Variants in STIM1 observed in about 807,000 individuals in gnomAD.
STIM1 encodes stromal interaction molecule 1.
A neutral mutation model predicts 74.7 loss-of-function variants in STIM1; 25 were observed. The ratio of observed to expected loss-of-function variants is 0.33; its 90% CI spans 0.24 to 0.47. The LOEUF is 0.47. Among genes scored for constraint, STIM1 ranks in the 20% least tolerant of loss-of-function variants. The probability of loss-of-function intolerance (pLI) is 1.00; values close to 1 mark genes in which losing one functional copy is unlikely to be tolerated. For missense variants in STIM1, 728 were observed against 920.8 expected (o/e 0.79, Z 2.71); for synonymous variants, 328 against 348.8 (o/e 0.94, Z 0.66).
At chr11:3,911,839 T>G (rs1185131735) in intron 1 of STIM1, among the ~76,000 whole-genome samples, 1 of 152,230 alleles carries the variant, frequency 6.6e-6, no homozygotes, top group African/African-American at 2.4e-5. Context: ...CTTGCTGCAT[T>G]GTGGTTGCTT....
chr11:3,941,912 T>A (rs1275815332), intron 1 of STIM1, among the ~76,000 whole-genome samples: 1 of 152,078 alleles, frequency 6.6e-6, no homozygotes, highest in Admixed American at 6.6e-5. Flanking sequence ...CTTGAACTCC[T>A]GGAGTCAAGC....
chr11:3,928,993 C>T (rs1277817769), intron 1 of STIM1, among the ~76,000 whole-genome samples: 1 of 152,162 alleles, frequency 6.6e-6, no homozygotes, highest in African/African-American at 2.4e-5. Context: ...GCCTCAGCCT[C>T]CCAAAAAGTA....
At chr11:4,060,594 G>A (rs2094323824) in intron 5 of STIM1, among the ~76,000 whole-genome samples, 1 of 152,144 alleles carries the variant, frequency 6.6e-6, no homozygotes, top group African/African-American at 2.4e-5. Flanking sequence ...GGTAGGTTTT[G>A]AATAACGACA....
rs377360253 is a variant in STIM1 at position 3,899,795 on chromosome 11, C to T, written c.139+43386C>T. Reference sequence around the variant, plus strand: ...ATAATCATGTGGTTTTTGTCTTTGGCTCTGTTTATATGCTGGATTACATTT... The same window carrying T: ...ATAATCATGTGGTTTTTGTCTTTGGTTCTGTTTATATGCTGGATTACATTT... On this transcript the variant is annotated intron_variant, in intron 1 of 12. Coordinates refer to ENST00000526596, the MANE Select transcript of STIM1 (RefSeq NM_001382567.1). 6.8e-3 allele frequency among the ~76,000 whole-genome samples: 1,021 copies of T among 150,404 alleles called. 4 individuals are homozygous for T. The highest frequency in any genetic ancestry group is 0.011 in the African/African-American group (448 of 40,542).
intron 1 of STIM1, among the ~76,000 whole-genome samples, chr11:3,860,503 T>C (rs2090554395): frequency 6.6e-6 from 1 of 152,212 alleles, no homozygotes; most frequent in Non-Finnish European, 1.5e-5. Flanking sequence ...AGGTATTATA[T>C]ATACATGCAG....
At chr11:4,068,322 A>G (rs1274433625) in intron 5 of STIM1, among the ~76,000 whole-genome samples, 2 of 152,246 alleles carry the variant, frequency 1.3e-5, no homozygotes, top group African/African-American at 2.4e-5. Flanking sequence ...TATTTGAGGT[A>G]CTGGAAGTGC....
At chr11:3,942,773 G>A (rs2093026689) in intron 1 of STIM1, among the ~76,000 whole-genome samples, 1 of 152,276 alleles carries the variant, frequency 6.6e-6, no homozygotes, top group East Asian at 1.9e-4. Context: ...CTGGCTTTAA[G>A]TCTCATGTCT....
intron 2 of STIM1, among the ~76,000 whole-genome samples, chr11:4,013,596 C>T (rs112694858): frequency 0.028 from 4,220 of 149,254 alleles, 172 homozygotes; most frequent in African/African-American, 0.093. Context: ...GGATCGGTGG[C>T]GATATCCCCT....
intron 2 of STIM1, among the ~76,000 whole-genome samples, chr11:3,997,458 C>A (rs1055657871): frequency 6.6e-6 from 1 of 151,932 alleles, no homozygotes; most frequent in South Asian, 2.1e-4. Context: ...AGTTCAAGAC[C>A]AGCCTTAGCA....
chr11:4,036,977 T>C (rs1424905706), intron 3 of STIM1, among the ~76,000 whole-genome samples: 1 of 152,206 alleles, frequency 6.6e-6, no homozygotes, highest in Non-Finnish European at 1.5e-5. Context: ...TCATGTTGGT[T>C]GATGGTATTG....
chr11:3,855,503 G>A (rs980088498), upstream of STIM1: 5 of 152,024 alleles, frequency 3.3e-5, no homozygotes, highest in African/African-American at 1.2e-4. Context: ...GAGCCCGCTA[G>A]GGGCGGGGAT....
In STIM1 at chr11:4,083,121, C is replaced by G. The variant is rs140488242; in HGVS notation, c.1238+139C>G. 999 of 1,184,192 alleles carry G rather than the reference C, an allele frequency of 8.4e-4. 4 individuals are homozygous for G. The highest frequency in any genetic ancestry group is 3.1e-3 in the Middle Eastern group (16 of 5,244). The allele number at this position is 1,184,192 out of a possible 1,614,324, so 73.4% of individuals were successfully genotyped here. A position where few individuals can be genotyped will look rare whatever the true frequency, so the allele number is the denominator to read the frequency against. On this transcript the variant is annotated intron_variant, in intron 9 of 12. Coordinates refer to ENST00000526596, the MANE Select transcript of STIM1 (RefSeq NM_001382567.1). ...GTCTCCTGCCTCAGCCTTTATTTATCTCCTGCCTTGCTCTTAAGTTTGAGT... is the reference window on the plus strand; with the variant it reads ...GTCTCCTGCCTCAGCCTTTATTTATGTCCTGCCTTGCTCTTAAGTTTGAGT...
Position 4,035,711 on chromosome 11 carries a change from G to T in STIM1, c.385+11724G>T, listed in dbSNP as rs149823101. On this transcript the variant is annotated intron_variant, in intron 3 of 12. Coordinates refer to ENST00000526596, the MANE Select transcript of STIM1 (RefSeq NM_001382567.1). ...GAGATCATACTTTATGTGACTTGAA[G>T]CCTTTAAAAAATTTTAAGATTTTTT... Among the ~76,000 whole-genome samples the T allele has an allele frequency of 2.1e-3, 320 of 152,008 alleles. 2 individuals carry two copies. The highest frequency in any genetic ancestry group is 7.2e-3 in the African/African-American group (300 of 41,486).
At chr11:3,890,150 T>C (rs2091851852) in intron 1 of STIM1, among the ~76,000 whole-genome samples, 1 of 152,216 alleles carries the variant, frequency 6.6e-6, no homozygotes, top group Non-Finnish European at 1.5e-5. Flanking sequence ...GCCTCTTAGA[T>C]ATCTGACCTA....
intron 2 of STIM1, among the ~76,000 whole-genome samples, chr11:3,982,277 A>C (rs886309560): frequency 1.3e-5 from 2 of 151,250 alleles, no homozygotes; most frequent in African/African-American, 4.9e-5. Context: ...ATCTCTGCCC[A>C]CCTCAGCCTC....
chr11:3,923,160 AT>A (rs140962106), intron 1 of STIM1, among the ~76,000 whole-genome samples: 9,709 of 151,526 alleles, frequency 0.064, 973 homozygotes, highest in African/African-American at 0.22. Flanking sequence ...TTTCCCCATA[AT>A]TTTTTTTATC....
intron 2 of STIM1, among the ~76,000 whole-genome samples, chr11:3,994,571 G>A (rs905089830): frequency 6.7e-6 from 1 of 149,354 alleles, no homozygotes; most frequent in Non-Finnish European, 1.5e-5. Flanking sequence ...CGATTCTCAT[G>A]TCTCAGCCTC....
At chr11:3,922,762 T>C (rs1393586982) in intron 1 of STIM1, 1 of 163,168 alleles carries the variant, frequency 6.1e-6, no homozygotes, top group Non-Finnish European at 1.4e-5. Context: ...CTGGGTCTGC[T>C]TCTTTCCTAA....
At chr11:3,884,247 A>C (rs929482804) in intron 1 of STIM1, among the ~76,000 whole-genome samples, 2 of 152,204 alleles carry the variant, frequency 1.3e-5, no homozygotes, top group East Asian at 3.8e-4. Context: ...CTTTGTCTAT[A>C]AAATGGGTAC....
Sources: allele counts gnomAD v4.1 joint callset (sites outside exome capture counted in the v4.1 genomes callset), GRCh38; gene constraint gnomAD v4.1.1; transcripts MANE v1.5; gene names NCBI Gene and HGNC (gene_info 2026-07-23, HGNC 2026-07-21).